The following SP110 variants were observed in gnomAD, a reference collection of about 807,000 sequenced individuals.
The protein encoded by SP110 is SP110 nuclear body protein.
A neutral mutation model predicts 92.7 loss-of-function variants in SP110; 62 were observed. The observed-to-expected ratio is 0.67, with a 90% CI of 0.55 to 0.83. The LOEUF is 0.83. SP110 is among the 40% of genes least tolerant of loss of function. The pLI, the probability that SP110 is intolerant of heterozygous loss-of-function variation, is 0.00. For synonymous variants in SP110, 273 were observed against 305.3 expected (o/e 0.89, Z 1.10); for missense variants, 793 against 863.9 (o/e 0.92, Z 1.03).
At chr2:230,210,077 T>G in intron 6 of SP110, 69 bp from the exon 7 acceptor site, 1 of 932,274 alleles carries the variant, frequency 1.1e-6, no homozygotes, top group Non-Finnish European at 1.8e-6. Flanking sequence ...GGGAAGTCAA[T>G]GCAAGAACTA....
chr2:230,212,639 G>A, intron 4 of SP110, 122 bp downstream of exon 4: 1 of 1,336,144 alleles, frequency 7.5e-7, no homozygotes, highest in Non-Finnish European at 1.1e-6. Flanking sequence ...GGTTGTGTTT[G>A]GGTAGATGGG....
In SP110 at chr2:230,170,665, G is replaced by A. The variant is rs201059449; in HGVS notation, c.1984C>T (p.Arg662Ter). The change falls in exon 18 of 19, where the codon CGA becomes TGA. Residue 662 changes from arginine to a stop codon, truncating the protein, a stop_gained. Transcript: ENST00000258381. LOFTEE classifies it low-confidence loss of function (END_TRUNC). ...TEMYTVAWFV[R>*]DMRLMFRNHK... ...TTGCGAAACATCAGGCGCATGTCTC[G>A]CACAAACCATGCCACCGTGTACATT... 49 of 1,613,896 alleles carry A rather than the reference G, an allele frequency of 3.0e-5. No individual in the cohort carries two copies. Among genetic ancestry groups the A allele is most frequent in the East Asian group, 6.7e-5 (3 of 44,858 alleles).
chr2:230,193,285 G>A (rs2042718864), intron 10 of SP110, among the ~76,000 whole-genome samples: 1 of 152,108 alleles, frequency 6.6e-6, no homozygotes, highest in Admixed American at 6.6e-5. Flanking sequence ...CAGATATTTG[G>A]TTTGTGATTT....
chr2:230,218,724 A>G (rs1315601265), intron 1 of SP110, among the ~76,000 whole-genome samples: 1 of 152,246 alleles, frequency 6.6e-6, no homozygotes, highest in Non-Finnish European at 1.5e-5. Context: ...GTCTGACTCT[A>G]AAGCCCTGTT....
At chr2:230,199,150 T>TA (rs1168283866) in intron 10 of SP110, among the ~76,000 whole-genome samples, 2,231 of 98,536 alleles carry the variant, frequency 0.023, 47 homozygotes, top group African/African-American at 0.11. Context: ...TTATTATTAT[T>TA]TTTTTTTTTT....
chr2:230,215,767 G>A (rs2045087277), intron 2 of SP110, among the ~76,000 whole-genome samples: 1 of 152,238 alleles, frequency 6.6e-6, no homozygotes, highest in South Asian at 2.1e-4. Flanking sequence ...TTGGGGGTCA[G>A]GGTAGGCACT....
intron 10 of SP110, among the ~76,000 whole-genome samples, chr2:230,199,884 G>C (rs1036736464): frequency 6.6e-6 from 1 of 152,088 alleles, no homozygotes; most frequent in Admixed American, 6.6e-5. Flanking sequence ...GAGAACGATG[G>C]CTCCTGAAAA....
At chr2:230,224,937 T>C (rs2046150743), upstream of SP110, among the ~76,000 whole-genome samples, 1 of 152,242 alleles carries the variant, frequency 6.6e-6, no homozygotes, top group African/African-American at 2.4e-5. Context: ...GACTTTATGC[T>C]GATATAGTGT....
chr2:230,196,890 G>T (rs867036692), intron 10 of SP110, among the ~76,000 whole-genome samples: 1 of 152,146 alleles, frequency 6.6e-6, no homozygotes, highest in Admixed American at 6.5e-5. Flanking sequence ...TTTTATGGCT[G>T]CATAGTATTC....
intron 6 of SP110, among the ~76,000 whole-genome samples, chr2:230,210,437 AG>A (rs1166872787): frequency 2.0e-5 from 3 of 152,242 alleles, no homozygotes; most frequent in Non-Finnish European, 4.4e-5. Flanking sequence ...TCCATGATGA[AG>A]GGGAATGTCT....
chr2:230,195,821 A>G (rs2148818311), intron 10 of SP110, among the ~76,000 whole-genome samples: 1 of 152,276 alleles, frequency 6.6e-6, no homozygotes, highest in East Asian at 1.9e-4. Context: ...AGTTCAAAAA[A>G]CACCCCGACA....
At chr2:230,182,708 C>T (rs1361772349) in intron 12 of SP110, among the ~76,000 whole-genome samples, 5 of 152,100 alleles carry the variant, frequency 3.3e-5, no homozygotes, top group African/African-American at 1.2e-4. Flanking sequence ...GAGCTGCGTG[C>T]TGGGTGTGCG....
chr2:230,195,827 C>T (rs1040891284), intron 10 of SP110, among the ~76,000 whole-genome samples: 5 of 151,810 alleles, frequency 3.3e-5, no homozygotes, highest in East Asian at 1.9e-4. Context: ...AAAAACACCC[C>T]GACACTATTA....
intron 14 of SP110, chr2:230,176,809 G>T: frequency 1.4e-6 from 2 of 1,382,170 alleles, no homozygotes; most frequent in Non-Finnish European, 2.1e-6. Flanking sequence ...CCTAGTGAAT[G>T]TCTGTACCCA....
Position 230,169,249 on chromosome 2 carries a change from A to G in SP110, c.2029-12T>C. 7.1e-7 allele frequency: 1 copy of G among 1,401,552 alleles called. No individual in the cohort carries two copies. The highest frequency in any genetic ancestry group is 1.0e-6 in the Non-Finnish European group (1 of 985,956). 86.8% of individuals were successfully genotyped at this position (1,401,552 alleles called of 1,614,324 possible). ...CCAAAGTCAGAAGCCTGAAAGAGAA[A>G]AAAGCAAACAAACACATTGAAGGAT... On this transcript the variant is annotated splice_polypyrimidine_tract_variant and intron_variant, in intron 18 of 18. Transcript: ENST00000258381.
At chr2:230,187,932 T>C (rs1574630982) in intron 10 of SP110, among the ~76,000 whole-genome samples, 1 of 152,352 alleles carries the variant, frequency 6.6e-6, no homozygotes, top group Admixed American at 6.5e-5. Context: ...ATGTGATGCC[T>C]CCAGATTTGT....
In SP110 at chr2:230,177,619, T is replaced by A; in HGVS notation, c.1509A>T (p.Glu503Asp). The A allele has an allele frequency of 6.2e-7, 1 of 1,614,148 alleles. No homozygotes were observed. The highest frequency in any genetic ancestry group is 8.5e-7 in the Non-Finnish European group (1 of 1,179,948). The part of the protein sequence containing the change: ...DGTWLTPNEF[E>D]VEGKGRNAKN... ...TTGCGTTCCTTCCTTTTCCTTCGAC[T>A]TCAAATTCATTTGGTGTTAACCAAG... The change falls in exon 14 of 19, where the codon GAA (glutamate) becomes GAT (aspartate). Residue 503 changes from glutamate (E) to aspartate (D), a missense_variant. Coordinates refer to ENST00000258381, the MANE Select transcript of SP110 (RefSeq NM_080424.4).
chr2:230,221,657 T>A, upstream of SP110: 4 of 1,516,452 alleles, frequency 2.6e-6, no homozygotes, highest in Non-Finnish European at 3.5e-6. Context: ...GGGATGGCGG[T>A]GGTAAAGGAA....
chr2:230,175,122 C>T (rs1445505562), intron 14 of SP110, among the ~76,000 whole-genome samples: 1 of 151,950 alleles, frequency 6.6e-6, no homozygotes, highest in Non-Finnish European at 1.5e-5. Flanking sequence ...ATACAGAAGG[C>T]ATATGTCCCT....
Sources: allele counts gnomAD v4.1 joint callset (sites outside exome capture counted in the v4.1 genomes callset), GRCh38; gene constraint gnomAD v4.1.1; transcripts MANE v1.5; gene names NCBI Gene and HGNC (gene_info 2026-07-23, HGNC 2026-07-21).